STARD8: variants seen among roughly 807,000 people sequenced by gnomAD.
The protein encoded by STARD8 is StAR related lipid transfer domain containing 8.
STARD8 carries 25 observed loss-of-function variants against 69.4 expected under a neutral mutation model. The observed-to-expected ratio is 0.36, with a 90% CI of 0.26 to 0.50. The LOEUF is 0.50. Among genes scored for constraint, STARD8 ranks in the 20% least tolerant of loss-of-function variants. STARD8 has a pLI of 0.96. For synonymous variants in STARD8, 389 were observed against 374.6 expected, an observed-to-expected ratio of 1.04 and a Z score of -0.45; for missense variants, 921 against 932.5, an observed-to-expected ratio of 0.99 and a Z score of 0.16.
chrX:68,649,334 G>C (rs774604482), intron 1 of STARD8, among the ~76,000 whole-genome samples: 14 of 110,722 alleles, frequency 1.3e-4, no homozygotes, highest in Non-Finnish European at 1.9e-5. Flanking sequence ...GGCTTCTTTC[G>C]TGATGTGGCT....
intron 1 of STARD8, among the ~76,000 whole-genome samples, chrX:68,652,908 C>A: frequency 3.3e-5 from 1 of 30,413 alleles, no homozygotes; most frequent in Non-Finnish European, 5.7e-5. Context: ...CCACACACAC[C>A]ACACCACACA....
chrX:68,712,629 C>A (rs1305822223), intron 2 of STARD8, among the ~76,000 whole-genome samples: 2 of 111,421 alleles, frequency 1.8e-5, no homozygotes, highest in Admixed American at 1.9e-4. Flanking sequence ...GGTTCCTGGG[C>A]AGGGGGTGGG....
intron 1 of STARD8, among the ~76,000 whole-genome samples, chrX:68,665,166 A>G (rs2079675195): frequency 8.9e-6 from 1 of 112,083 alleles, no homozygotes; most frequent in Non-Finnish European, 1.9e-5. Context: ...TTCTTTAATA[A>G]TCTTTCTTAT....
Position 68,723,633 on chromosome X carries a change from A to G in STARD8, c.2807A>G (p.Asp936Gly). 1 of 1,192,556 alleles carries G rather than the reference A, an allele frequency of 8.4e-7. No homozygotes were observed. The highest frequency in any genetic ancestry group is 1.1e-6 in the Non-Finnish European group (1 of 886,245). Residue 936 changes from aspartate (D) to glycine (G), a missense_variant, in exon 13 of 15, where the codon GAT (aspartate) becomes GGT (glycine). By Grantham distance (94) the Asp-to-Gly change is moderately conservative. Transcript: ENST00000374599. ...CACTCCTGTGGCTCACAGGCACCGG[A>G]TGGGCACCCCCTGCGGCTATGGAAG... ...HTELACRKAP[D>G]GHPLRLWKAS... is the part of the protein sequence containing the mutation.
intron 2 of STARD8, among the ~76,000 whole-genome samples, chrX:68,678,703 C>T (rs765353269): frequency 9.8e-5 from 11 of 112,367 alleles, no homozygotes; most frequent in Non-Finnish European, 2.1e-4. Context: ...CTAGATCCCC[C>T]ACTCCACAGT....
At chrX:68,689,997 G>GTTTTT (rs1361282982) in intron 2 of STARD8, among the ~76,000 whole-genome samples, 61 of 107,621 alleles carry the variant, frequency 5.7e-4, no homozygotes, top group Admixed American at 4.0e-4. Flanking sequence ...AGGAAGTTTT[G>GTTTTT]TTTTGTTTTG....
chrX:68,662,657 T>C (rs2079658891), intron 1 of STARD8, among the ~76,000 whole-genome samples: 1 of 111,591 alleles, frequency 9.0e-6, no homozygotes, highest in Non-Finnish European at 1.9e-5. Flanking sequence ...TTCTCTCCCT[T>C]CTACCTGCCA....
chrX:68,724,802 G>A lies in STARD8; in HGVS notation c.*380G>A, dbSNP rs1001267898. ...CAGCAATGTGTGATCCCAGCTCTCT[G>A]CCAGACTGAGAGGGCAAGCCGTCTT... On this transcript the variant is annotated 3_prime_UTR_variant, in exon 15 of 15. Coordinates refer to ENST00000374599, the MANE Select transcript of STARD8 (RefSeq NM_001142503.3). 1.4e-5 allele frequency: 2 copies of A among 139,599 alleles called. No homozygotes were observed. Among genetic ancestry groups the A allele is most frequent in the Non-Finnish European group, 2.8e-5 (2 of 71,825 alleles). The allele number at this position is 139,599 out of a possible 1,213,427, so 11.5% of individuals were successfully genotyped here.
At chrX:68,717,015 C>T (rs1434495420) in intron 5 of STARD8, among the ~76,000 whole-genome samples, 197 bp from the exon 6 acceptor site, 1 of 111,626 alleles carries the variant, frequency 9.0e-6, no homozygotes, top group Non-Finnish European at 1.9e-5. Context: ...CATTACCATA[C>T]ATCTGGGCTC....
At chrX:68,648,425 T>TA (rs1042571623) in intron 1 of STARD8, among the ~76,000 whole-genome samples, 7 of 111,091 alleles carry the variant, frequency 6.3e-5, no homozygotes, top group Non-Finnish European at 9.4e-5. Context: ...TCCATATATA[T>TA]AAAAGCACAT....
chrX:68,699,931 C>G (rs1477723674), intron 2 of STARD8, among the ~76,000 whole-genome samples: 1 of 111,545 alleles, frequency 9.0e-6, no homozygotes, highest in Non-Finnish European at 1.9e-5. Flanking sequence ...ATTGGTGCCC[C>G]CATAGTGGAG....
chrX:68,665,450 G>T, intron 1 of STARD8, 49 bp from the exon 2 acceptor site: 1 of 1,179,816 alleles, frequency 8.5e-7, no homozygotes, highest in Middle Eastern at 2.3e-4. Flanking sequence ...TTTCAGTTCA[G>T]ATATTGCATC....
intron 1 of STARD8, among the ~76,000 whole-genome samples, chrX:68,657,413 A>T (rs1483239436): frequency 9.0e-6 from 1 of 111,640 alleles, no homozygotes; most frequent in Non-Finnish European, 1.9e-5. Context: ...TCTTGAGGAG[A>T]TAGGTAATGG....
At chrX:68,667,704 GA>G (rs974337081) in intron 2 of STARD8, among the ~76,000 whole-genome samples, 9 of 110,679 alleles carry the variant, frequency 8.1e-5, no homozygotes, top group Non-Finnish European at 1.5e-4. Context: ...GGCACTGCCT[GA>G]CTGGCCTGGG....
intron 1 of STARD8, among the ~76,000 whole-genome samples, chrX:68,653,393 C>A (rs1197498755): frequency 9.4e-5 from 5 of 53,176 alleles, no homozygotes; most frequent in Non-Finnish European, 1.1e-4. Context: ...ACACACACAC[C>A]CCACACACAC....
rs774938643 is a variant in STARD8 at position 68,723,762 on chromosome X, C to A, written c.2936C>A (p.Ala979Asp). ...EDLLRAQVLE[A>D]LMPGVELYHY... is the part of the protein sequence containing the mutation. ...CTGCTGCGGGCCCAGGTGCTGGAAG[C>A]CCTGATGCCGGGTGTGGAGCTGTAC... The change falls in exon 13 of 15, where the codon GCC (alanine) becomes GAC (aspartate). Residue 979 changes from alanine (A) to aspartate (D), a missense_variant. Transcript: ENST00000374599. 5.1e-6 allele frequency: 6 copies of A among 1,181,343 alleles called. No homozygotes were observed. The South Asian group carries it at 1.1e-4, about 22-fold the overall frequency.
chrX:68,712,797 T>C (rs2080061199), intron 2 of STARD8, 117 bp from the exon 3 acceptor site: 2 of 665,004 alleles, frequency 3.0e-6, no homozygotes. Flanking sequence ...CATTGCTAGA[T>C]CACCAGAATG....
chrX:68,658,984 A>G (rs1374333351), intron 1 of STARD8, among the ~76,000 whole-genome samples: 1 of 111,922 alleles, frequency 8.9e-6, no homozygotes, highest in Non-Finnish European at 1.9e-5. Context: ...CCTTTCCTCT[A>G]CCTTGGGTTG....
intron 1 of STARD8, among the ~76,000 whole-genome samples, chrX:68,660,181 G>A (rs773382039): frequency 3.6e-5 from 4 of 111,339 alleles, no homozygotes; most frequent in Non-Finnish European, 5.7e-5. Flanking sequence ...CAGATTCTGA[G>A]TTCTATAAAA....
Sources: allele counts gnomAD v4.1 joint callset (sites outside exome capture counted in the v4.1 genomes callset), GRCh38; gene constraint gnomAD v4.1.1; transcripts MANE v1.5; gene names NCBI Gene and HGNC (gene_info 2026-07-23, HGNC 2026-07-21).